The following IL1RAPL1 variants were observed in gnomAD, a reference collection of about 807,000 sequenced individuals.
IL1RAPL1 encodes interleukin-1 receptor accessory protein-like 1.
In IL1RAPL1, 3 loss-of-function variants were observed where a neutral mutation model predicts 48.4. That is an observed-to-expected ratio of 0.06 (90% CI 0.03 to 0.16). The LOEUF is 0.16. IL1RAPL1 is among the 10% of genes least tolerant of loss of function. The probability of loss-of-function intolerance (pLI) is 1.00; values close to 1 mark genes in which losing one functional copy is unlikely to be tolerated. For synonymous variants in IL1RAPL1, 185 were observed against 187.7 expected (o/e 0.99, Z 0.12); for missense variants, 349 against 530.6 (o/e 0.66, Z 3.36).
At chrX:28,748,947 T>G (rs1327268424) in intron 1 of IL1RAPL1, among the ~76,000 whole-genome samples, 1 of 111,532 alleles carries the variant, frequency 9.0e-6, no homozygotes, top group East Asian at 2.8e-4. Context: ...CCCTCCCTGC[T>G]CTCTGTTAAT....
intron 2 of IL1RAPL1, among the ~76,000 whole-genome samples, chrX:28,886,304 A>G (rs1307167380): frequency 9.1e-6 from 1 of 109,345 alleles, no homozygotes; most frequent in Non-Finnish European, 1.9e-5. Context: ...CACTCTGTAA[A>G]GTAACATTCC....
intron 2 of IL1RAPL1, among the ~76,000 whole-genome samples, chrX:29,045,662 T>C (rs2147419906): frequency 9.0e-6 from 1 of 111,039 alleles, no homozygotes; most frequent in South Asian, 3.9e-4. Context: ...AAAGACTGGG[T>C]CACCTCAGCC....
chrX:29,576,678 G>A (rs780004100), intron 5 of IL1RAPL1, among the ~76,000 whole-genome samples: 1 of 110,208 alleles, frequency 9.1e-6, no homozygotes, highest in Admixed American at 9.7e-5. Context: ...CTTGCTAGAA[G>A]GTCAGAGATT....
intron 2 of IL1RAPL1, among the ~76,000 whole-genome samples, chrX:29,233,158 T>G (rs2147559241): frequency 9.0e-6 from 1 of 111,579 alleles, no homozygotes; most frequent in East Asian, 2.8e-4. Flanking sequence ...CTATCACAAC[T>G]TAACATTCTT....
chrX:28,870,579 C>A (rs1922183206), intron 2 of IL1RAPL1, among the ~76,000 whole-genome samples: 3 of 111,638 alleles, frequency 2.7e-5, no homozygotes, highest in Non-Finnish European at 5.7e-5. Context: ...CCTATGGTAA[C>A]ACATGGAATG....
chrX:29,240,204 ATATATATATATATATATATATTT>A (rs1931384506), intron 2 of IL1RAPL1, among the ~76,000 whole-genome samples: 1 of 14,109 alleles, frequency 7.1e-5, no homozygotes, highest in African/African-American at 2.2e-4. Flanking sequence ...ACATATATAT[ATATATATATATATATATATATTT>A]TTTTTTTTTT....
chrX:28,871,305 G>T (rs1478913444), intron 2 of IL1RAPL1, among the ~76,000 whole-genome samples: 2 of 111,925 alleles, frequency 1.8e-5, no homozygotes, highest in Non-Finnish European at 3.8e-5. Flanking sequence ...ACATAGACCT[G>T]CTAACCTCAT....
In IL1RAPL1 at chrX:29,658,501, G is replaced by A. The variant is rs1037393132; in HGVS notation, c.704-9929G>A. 2.7e-5 allele frequency among the ~76,000 whole-genome samples: 3 copies of A among 111,880 alleles called. No individual in the cohort carries two copies. The East Asian group carries it at 8.4e-4, about 31-fold the overall frequency. On this transcript the variant is annotated intron_variant, in intron 5 of 10. Coordinates refer to ENST00000378993, the MANE Select transcript of IL1RAPL1 (RefSeq NM_014271.4). ...TGTAAATTCCGTAACTCATGTGTTA[G>A]GACACTACTTCATAATAAATATTTT...
intron 3 of IL1RAPL1, among the ~76,000 whole-genome samples, chrX:29,319,698 T>A (rs1932791318): frequency 1.8e-5 from 2 of 109,977 alleles, no homozygotes; most frequent in South Asian, 7.8e-4. Flanking sequence ...AACTAAGAAC[T>A]TCAGCATAAA....
At chrX:28,633,627 G>T (rs972104505) in intron 1 of IL1RAPL1, among the ~76,000 whole-genome samples, 5 of 111,891 alleles carry the variant, frequency 4.5e-5, no homozygotes, top group African/African-American at 1.6e-4. Context: ...TCAGTGAACT[G>T]GTTCAAATAA....
chrX:29,331,697 T>C (rs765328605), intron 3 of IL1RAPL1, among the ~76,000 whole-genome samples: 146 of 112,300 alleles, frequency 1.3e-3, no homozygotes, highest in Non-Finnish European at 2.2e-3. Context: ...TAACATCTTA[T>C]TCTGTATATA....
chrX:28,966,359 T>G (rs1477363812), intron 2 of IL1RAPL1, among the ~76,000 whole-genome samples: 1 of 112,062 alleles, frequency 8.9e-6, no homozygotes, highest in East Asian at 2.8e-4. Context: ...TGAGAATGCC[T>G]TGAGGTATTC....
Position 29,120,477 on chromosome X carries a change from G to C in IL1RAPL1, c.83-162461G>C, listed in dbSNP as rs746109388. Among the ~76,000 whole-genome samples the C allele has an allele frequency of 2.7e-5, 3 of 111,206 alleles. No homozygotes were observed. The South Asian group carries it at 1.1e-3, about 42-fold the overall frequency. ...ATGTGTGACTTTATTTCTGGGTTCTGTATTCTGTTCCATTGGTTTATATGT... is the reference window on the plus strand; with the variant it reads ...ATGTGTGACTTTATTTCTGGGTTCTCTATTCTGTTCCATTGGTTTATATGT... On this transcript the variant is annotated intron_variant, in intron 2 of 10. Coordinates refer to ENST00000378993, the MANE Select transcript of IL1RAPL1 (RefSeq NM_014271.4).
chrX:28,790,996 G>A (rs1413309921), intron 2 of IL1RAPL1, among the ~76,000 whole-genome samples: 6 of 111,602 alleles, frequency 5.4e-5, no homozygotes, highest in Admixed American at 2.9e-4. Context: ...ACTCATTTGT[G>A]TAAGTATTAT....
At chrX:29,246,458 C>G (rs1427048569) in intron 2 of IL1RAPL1, among the ~76,000 whole-genome samples, 1 of 110,547 alleles carries the variant, frequency 9.0e-6, no homozygotes, top group African/African-American at 3.3e-5. Flanking sequence ...GCTGCCTGGA[C>G]AGCTGATGAG....
chrX:28,783,894 C>G (rs1285449936), intron 1 of IL1RAPL1, among the ~76,000 whole-genome samples: 1 of 111,552 alleles, frequency 9.0e-6, no homozygotes, highest in East Asian at 2.8e-4. Context: ...ACATGTATCC[C>G]TTTGCTAAAA....
chrX:29,891,871 T>A (rs762084088), intron 6 of IL1RAPL1, among the ~76,000 whole-genome samples: 33 of 111,721 alleles, frequency 3.0e-4, no homozygotes, highest in Non-Finnish European at 5.1e-4. Flanking sequence ...TAATACCATC[T>A]CAAAGATTTT....
rs536814591 is a variant in IL1RAPL1 at position 28,967,209 on chromosome X, A to C, written c.82+177784A>C. On this transcript the variant is annotated intron_variant, in intron 2 of 10. Coordinates refer to ENST00000378993, the MANE Select transcript of IL1RAPL1 (RefSeq NM_014271.4). ...AGACAAGGCTCCCTTTGCAAAGATCACTTGGTAGCTCCATCCTGCTGGAGT... is the reference window on the plus strand; with the variant it reads ...AGACAAGGCTCCCTTTGCAAAGATCCCTTGGTAGCTCCATCCTGCTGGAGT... Among the ~76,000 whole-genome samples the C allele has an allele frequency of 2.7e-5, 3 of 111,557 alleles. No homozygotes were observed. In the South Asian group the frequency reaches 1.1e-3, roughly 42 times the overall value.
intron 5 of IL1RAPL1, among the ~76,000 whole-genome samples, chrX:29,461,308 A>G (rs1934799764): frequency 8.9e-6 from 1 of 111,976 alleles, no homozygotes; most frequent in Admixed American, 9.5e-5. Context: ...TAGAGAAACT[A>G]AAGTTGTCAC....
Sources: gnomAD v4.1 joint callset for allele counts (sites outside exome capture counted in the v4.1 genomes callset) on GRCh38, gnomAD v4.1.1 for gene constraint, MANE v1.5 for transcripts, NCBI Gene and HGNC (gene_info 2026-07-23, HGNC 2026-07-21) for gene names.